Variants in RIMS2 observed in about 807,000 individuals in gnomAD.
The protein encoded by RIMS2 is regulating synaptic membrane exocytosis 2, also known as regulating synaptic membrane exocytosis protein 2.
RIMS2 carries 59 observed loss-of-function variants against 174.4 expected under a neutral mutation model. That is an observed-to-expected ratio of 0.34 (90% CI 0.27 to 0.42). RIMS2 has a LOEUF of 0.42. Among genes scored for constraint, RIMS2 ranks in the 10% least tolerant of loss-of-function variants. The probability of loss-of-function intolerance (pLI) is 1.00; values close to 1 mark genes in which losing one functional copy is unlikely to be tolerated. For missense variants in RIMS2, 1,620 were observed against 1,666.3 expected, an observed-to-expected ratio of 0.97 and a Z score of 0.48; for synonymous variants, 606 against 572.5, an observed-to-expected ratio of 1.06 and a Z score of -0.84.
chr8:104,019,120 C>CCTGG (rs2096012783), intron 19 of RIMS2, among the ~76,000 whole-genome samples: 1 of 152,054 alleles, frequency 6.6e-6, no homozygotes, highest in Non-Finnish European at 1.5e-5. Flanking sequence ...GTCACTTGAA[C>CCTGG]CTGGGAGGCA....
chr8:104,189,330 T>A (rs1355522989), intron 19 of RIMS2, among the ~76,000 whole-genome samples: 10 of 151,892 alleles, frequency 6.6e-5, no homozygotes. Context: ...AACACAGGTC[T>A]CTGATAGAGA....
intron 17 of RIMS2, among the ~76,000 whole-genome samples, chr8:103,997,584 G>T (rs1596683979): frequency 2.0e-5 from 3 of 151,648 alleles, no homozygotes; most frequent in Admixed American, 6.6e-5. Flanking sequence ...AGGCATGAAA[G>T]GTAGCAAAGC....
At position 103,982,182 on chromosome 8, in the gene RIMS2, C is replaced by A. The variant is rs13259328; in HGVS notation, c.2927+6676C>A. On this transcript the variant is annotated intron_variant, in intron 16 of 23. Transcript: ENST00000504942. Reference sequence around the variant, plus strand: ...AAATGCATAAACTCCTAGACACTTACTAGATTGGGCCACAAAGAAACCCAA... The same window carrying A: ...AAATGCATAAACTCCTAGACACTTAATAGATTGGGCCACAAAGAAACCCAA... 7.9e-5 allele frequency among the ~76,000 whole-genome samples: 12 copies of A among 151,942 alleles called. No homozygotes were observed. The East Asian group carries it at 1.9e-3, about 24-fold the overall frequency.
intron 11 of RIMS2, among the ~76,000 whole-genome samples, chr8:103,930,586 G>A (rs2079720940): frequency 6.6e-6 from 1 of 152,022 alleles, no homozygotes; most frequent in African/African-American, 2.4e-5. Context: ...TTATGGCACA[G>A]GGAAATTGTT....
chr8:103,998,514 A>G (rs2095242449), intron 17 of RIMS2, among the ~76,000 whole-genome samples: 1 of 151,672 alleles, frequency 6.6e-6, no homozygotes, highest in African/African-American at 2.4e-5. Flanking sequence ...ATTACAGTTA[A>G]CTCTCTATTT....
chr8:104,053,882 C>T (rs1397425238), intron 19 of RIMS2, among the ~76,000 whole-genome samples: 2 of 151,956 alleles, frequency 1.3e-5, no homozygotes, highest in African/African-American at 2.4e-5. Context: ...GGACACTGTG[C>T]AGAGAATATT....
chr8:103,795,606 A>G (rs1391991855), intron 3 of RIMS2, among the ~76,000 whole-genome samples: 1 of 152,012 alleles, frequency 6.6e-6, no homozygotes, highest in Non-Finnish European at 1.5e-5. Context: ...AAGAAGTACA[A>G]AGAAAAAAAA....
intron 19 of RIMS2, among the ~76,000 whole-genome samples, chr8:104,204,126 G>A (rs2099068540): frequency 6.6e-6 from 1 of 152,190 alleles, no homozygotes; most frequent in African/African-American, 2.4e-5. Context: ...AATTTGCCCT[G>A]AGTACACTTG....
At position 103,989,300 on chromosome 8, in the gene RIMS2, T is replaced by C; in HGVS notation, c.2928-5T>C. 1 of 1,542,194 alleles carries C rather than the reference T, an allele frequency of 6.5e-7. No homozygotes were observed. Reference sequence around the variant, plus strand: ...TAAGATATTGAATAGATCTTGTTGTTTTAGTCGGAATGTGGAACAGGGGCT... The same window carrying C: ...TAAGATATTGAATAGATCTTGTTGTCTTAGTCGGAATGTGGAACAGGGGCT... On this transcript the variant is annotated splice_region_variant and splice_polypyrimidine_tract_variant and intron_variant, in intron 16 of 23. Coordinates refer to ENST00000504942, the Ensembl canonical transcript of RIMS2.
At chr8:103,596,393 T>C (rs1159856629) in intron 1 of RIMS2, among the ~76,000 whole-genome samples, 2 of 152,060 alleles carry the variant, frequency 1.3e-5, no homozygotes, top group Middle Eastern at 3.2e-3. Context: ...TGTTTTGTTT[T>C]TGTTGTTTTT....
intron 20 of RIMS2, among the ~76,000 whole-genome samples, chr8:104,247,091 A>C (rs961133101): frequency 6.6e-6 from 1 of 152,156 alleles, no homozygotes; most frequent in Non-Finnish European, 1.5e-5. Context: ...GGTGGCTTGG[A>C]CCAGAGTGTA....
intron 19 of RIMS2, among the ~76,000 whole-genome samples, chr8:104,202,449 T>TTATA (rs1419668469): frequency 1.3e-5 from 2 of 152,190 alleles, no homozygotes; most frequent in Non-Finnish European, 2.9e-5. Context: ...AAGCTAAAGA[T>TTATA]TATAGGACAC....
At chr8:103,811,107 T>C (rs1417727110) in intron 3 of RIMS2, among the ~76,000 whole-genome samples, 2 of 152,148 alleles carry the variant, frequency 1.3e-5, no homozygotes, top group East Asian at 1.9e-4. Flanking sequence ...ACATTCCTTA[T>C]ATTGTGGCTG....
At chr8:103,790,309 C>T (rs2098484933) in intron 3 of RIMS2, among the ~76,000 whole-genome samples, 1 of 152,208 alleles carries the variant, frequency 6.6e-6, no homozygotes, top group African/African-American at 2.4e-5. Flanking sequence ...CTTTATGTCT[C>T]TGGAGTTGCC....
At chr8:104,150,237 G>C (rs1007216560) in intron 19 of RIMS2, among the ~76,000 whole-genome samples, 9 of 151,954 alleles carry the variant, frequency 5.9e-5, no homozygotes, top group Admixed American at 2.0e-4. Flanking sequence ...ACCTAAAATG[G>C]ACGTTAGTAA....
intron 19 of RIMS2, among the ~76,000 whole-genome samples, chr8:104,192,952 A>G (rs529565394): frequency 1.6e-4 from 25 of 152,140 alleles, no homozygotes; most frequent in Admixed American, 3.9e-4. Context: ...ATAAGAAAGG[A>G]GTCAGCACAA....
At chr8:104,147,251 G>GCA (rs142744916) in intron 19 of RIMS2, among the ~76,000 whole-genome samples, 2 of 147,804 alleles carry the variant, frequency 1.4e-5, no homozygotes, top group African/African-American at 2.5e-5. Flanking sequence ...TCTCTCCCTC[G>GCA]CACACACACA....
intron 3 of RIMS2, among the ~76,000 whole-genome samples, chr8:103,795,348 C>G (rs2098541333): frequency 6.7e-6 from 1 of 149,574 alleles, no homozygotes; most frequent in African/African-American, 2.5e-5. Flanking sequence ...AAACCAGACG[C>G]TAGATGTTCT....
chr8:104,116,796 CAT>C (rs2098284059), intron 19 of RIMS2, among the ~76,000 whole-genome samples: 1 of 151,978 alleles, frequency 6.6e-6, no homozygotes, highest in Non-Finnish European at 1.5e-5. Flanking sequence ...TTTAAAAAAA[CAT>C]ATTTCTTTAT....
Sources: allele counts gnomAD v4.1 joint callset (sites outside exome capture counted in the v4.1 genomes callset), GRCh38; gene constraint gnomAD v4.1.1; transcripts MANE v1.5; gene names NCBI Gene and HGNC (gene_info 2026-07-23, HGNC 2026-07-21).